RARA: variants seen among roughly 807,000 people sequenced by gnomAD.
RARA encodes the protein PML-DDX5-RARA fusion.
A neutral mutation model predicts 42.8 loss-of-function variants in RARA; 5 were observed. The ratio of observed to expected loss-of-function variants is 0.12; its 90% CI spans 0.06 to 0.25. The LOEUF (loss-of-function observed/expected upper bound fraction) is 0.25. RARA is among the 10% of genes least tolerant of loss of function. The probability of loss-of-function intolerance (pLI) is 1.00; values close to 1 mark genes in which losing one functional copy is unlikely to be tolerated. For synonymous variants in RARA, 256 were observed against 259.5 expected (o/e 0.99, Z 0.13); for missense variants, 402 against 628.7 (o/e 0.64, Z 3.86).
chr17:40,315,203 T>C (rs977399921), intron 1 of RARA, among the ~76,000 whole-genome samples: 39 of 139,234 alleles, frequency 2.8e-4, no homozygotes, highest in African/African-American at 1.2e-3. Flanking sequence ...CACGTATATA[T>C]TTATTTATTT....
intron 1 of RARA, among the ~76,000 whole-genome samples, chr17:40,312,308 G>C (rs528790716): frequency 3.3e-5 from 5 of 152,214 alleles, no homozygotes; most frequent in Non-Finnish European, 7.4e-5. Context: ...TTATGGGCAG[G>C]CCTCCCCCTA....
In RARA at chr17:40,355,082, C is replaced by T. The variant is rs34205524; in HGVS notation, c.1013-181C>T. On this transcript the variant is annotated intron_variant, in intron 7 of 8. Transcript: ENST00000254066. This position sits in a 1 kb window ranked among gnomAD's most constrained non-coding sequence, Gnocchi z 4.1. ...GGGGCACCCCCTCACCCTCAGCTCC[C>T]GTTGCTCCCTTTTAAGGGCCTCTGT... Among the ~76,000 whole-genome samples, 137 of 152,298 alleles carry T rather than the reference C, an allele frequency of 9.0e-4. 1 individual carries two copies. Among genetic ancestry groups the T allele is most frequent in the African/African-American group, 2.0e-3 (82 of 41,560 alleles).
chr17:40,348,244 A>G (rs2034331136), intron 2 of RARA, 72 bp from the exon 3 acceptor site: 2 of 1,462,986 alleles, frequency 1.4e-6, no homozygotes, highest in Non-Finnish European at 1.8e-6. Flanking sequence ...AGGGACGGTG[A>G]GGCAGGGTGG....
In RARA at chr17:40,349,802, A is replaced by G; in HGVS notation, c.346A>G (p.Ile116Val). ...EGCKGFFRRS[I>V]QKNMVYTCHR... ...TACCCAGGGCTTCTTCCGCCGCAGC[A>G]TCCAGAAGAACATGGTGTACACGTG... The change falls in exon 4 of 9, where the codon ATC (isoleucine) becomes GTC (valine). Residue 116 changes from isoleucine to valine, a missense_variant. This residue lies in a region of RARA where 130 missense variants were observed against 267.9 expected (regional missense o/e 0.49). Transcript: ENST00000254066. 6.2e-7 allele frequency: 1 copy of G among 1,614,198 alleles called. No homozygotes were observed.
rs1479866236 is a variant in RARA, at chr17:40,356,355, G to T, written c.*129G>T. On this transcript the variant is annotated 3_prime_UTR_variant, in exon 9 of 9. Transcript: ENST00000254066. ...CCGGGCAGTACTGGGGACCTTCCCT[G>T]GGGGACGGGGAGGGAGGAGGCAGCG... 9.5e-7 allele frequency: 1 copy of T among 1,053,578 alleles called. No homozygotes were observed. The highest frequency in any genetic ancestry group is 2.6e-5 in the East Asian group (1 of 38,766). The allele number at this position is 1,053,578 out of a possible 1,614,324, so 65.3% of individuals were successfully genotyped here.
chr17:40,332,144 G>A (rs1048097318), intron 2 of RARA, among the ~76,000 whole-genome samples: 1 of 152,190 alleles, frequency 6.6e-6, no homozygotes, highest in African/African-American at 2.4e-5. Flanking sequence ...GTAGTGGGAG[G>A]TGGCGGCAGC....
At chr17:40,348,774 C>T (rs531789323) in intron 3 of RARA, 2 of 238,088 alleles carry the variant, frequency 8.4e-6, no homozygotes, top group African/African-American at 2.3e-5. Flanking sequence ...AGCTGGCTGC[C>T]GACTGGCTCT....
chr17:40,324,045 C>T (rs897284752), intron 1 of RARA, among the ~76,000 whole-genome samples: 4 of 152,010 alleles, frequency 2.6e-5, no homozygotes, highest in Non-Finnish European at 4.4e-5. Context: ...AGCTGTCCCC[C>T]CATTGTGAGA....
intron 1 of RARA, among the ~76,000 whole-genome samples, chr17:40,310,791 C>G (rs1007098137): frequency 6.6e-6 from 1 of 152,070 alleles, no homozygotes; most frequent in African/African-American, 2.4e-5. Context: ...CCACTAAAAC[C>G]ACAGAGACAA....
Position 40,343,068 on chromosome 17 carries a change from GA to G in RARA, c.179-5247del, listed in dbSNP as rs936743083. 5.5e-5 allele frequency: 58 copies of G among 1,063,406 alleles called. No homozygotes were observed. The African/African-American group carries it at 8.9e-4, about 16-fold the overall frequency. The allele number at this position is 1,063,406 out of a possible 1,614,324, so 65.9% of individuals were successfully genotyped here. A position where few individuals can be genotyped will look rare whatever the true frequency, so the allele number is the denominator to read the frequency against. ...GTAACCCTAAGTGCAATTTGTGTTAGATTAGGGCTGAGGAACTTTGAGAGTT... is the reference window on the plus strand; with the variant it reads ...GTAACCCTAAGTGCAATTTGTGTTAGTTAGGGCTGAGGAACTTTGAGAGTT... On this transcript the variant is annotated intron_variant, in intron 2 of 8. Coordinates refer to ENST00000254066, the MANE Select transcript of RARA (RefSeq NM_000964.4).
Position 40,356,962 on chromosome 17 carries a change from A to T in RARA, c.*736A>T. The stretch of plus-strand genomic sequence containing the variant: ...CCTTTTCCTCCTCAGTTTTCTCTTT[A>T]AAACTGTGAAGTACTAACTTTCCAA... On this transcript the variant is annotated 3_prime_UTR_variant, in exon 9 of 9. Transcript: ENST00000254066. 1 of 386,698 alleles carries T rather than the reference A, an allele frequency of 2.6e-6. No homozygotes were observed. The highest frequency in any genetic ancestry group is 4.8e-6 in the Non-Finnish European group (1 of 207,732). The allele number at this position is 386,698 out of a possible 1,614,324, so 24.0% of individuals were successfully genotyped here.
At position 40,352,231 on chromosome 17, in the gene RARA, G is replaced by C. The variant is rs59294758; in HGVS notation, c.631-100G>C. The C allele has an allele frequency of 4.8e-5, 72 of 1,504,564 alleles. No individual in the cohort carries two copies. In the African/African-American group the frequency reaches 8.5e-4, roughly 18 times the overall value. The allele number at this position is 1,504,564 out of a possible 1,614,324, so 93.2% of individuals were successfully genotyped here. On this transcript the variant is annotated intron_variant, in intron 5 of 8. Coordinates refer to ENST00000254066, the MANE Select transcript of RARA (RefSeq NM_000964.4). This position sits in a 1 kb window ranked among gnomAD's most constrained non-coding sequence, Gnocchi z 4.9. ...GCTGCCTCTTCCCAAGGAGCTCCCA[G>C]GAAGTGAAGGCTGGGTAGAGGGCAG...
Position 40,354,490 on chromosome 17 carries a change from C to T in RARA, c.996C>T (p.Ile332=), listed in dbSNP as rs780324094. ...DDAETGLLSA[I]CLICGDRQDL... ...CGGAGACGGGGCTGCTCAGCGCCAT[C>T]TGCCTCATCTGCGGAGGTGGGCAGG... The change falls in exon 7 of 9, where the codon ATC becomes ATT. Residue 332 remains isoleucine (I), a synonymous_variant. Transcript: ENST00000254066. This position sits in a 1 kb window ranked among gnomAD's most constrained non-coding sequence, Gnocchi z 4.5. The T allele has an allele frequency of 1.9e-6, 3 of 1,593,404 alleles. No homozygotes were observed. In the African/African-American group the frequency reaches 4.0e-5, roughly 21 times the overall value.
intron 1 of RARA, among the ~76,000 whole-genome samples, chr17:40,327,413 G>A (rs923687781): frequency 6.6e-6 from 1 of 152,214 alleles, no homozygotes; most frequent in Non-Finnish European, 1.5e-5. Flanking sequence ...ATTCACCTGA[G>A]TGTTTGTGGA....
At chr17:40,342,399 A>C in intron 2 of RARA, 1 of 1,142,586 alleles carries the variant, frequency 8.8e-7, no homozygotes, top group Non-Finnish European at 1.1e-6. Flanking sequence ...ACGAGACTCT[A>C]GACGGGAGTC....
At chr17:40,317,879 G>T (rs2033247631) in intron 1 of RARA, among the ~76,000 whole-genome samples, 1 of 152,094 alleles carries the variant, frequency 6.6e-6, no homozygotes, top group African/African-American at 2.4e-5. Flanking sequence ...TTACGCCGCC[G>T]CCTCACTTCT....
In RARA at chr17:40,355,772, C is replaced by T. The variant is rs1265783124; in HGVS notation, c.1172-237C>T. Among the ~76,000 whole-genome samples, 2 of 152,336 alleles carry T rather than the reference C, an allele frequency of 1.3e-5. No homozygotes were observed. Among genetic ancestry groups the T allele is most frequent in the Middle Eastern group, 3.4e-3 (1 of 294 alleles). On this transcript the variant is annotated intron_variant, in intron 8 of 8. Transcript: ENST00000254066. The surrounding 1 kb of genome is among the most constrained non-coding windows in gnomAD (Gnocchi z 4.1). The stretch of plus-strand genomic sequence containing the variant: ...CAGCACAGGGGAAGGAAGGGCTTGG[C>T]GTCTAGCCCAGGCCGGCAGTCTGGC...
intron 2 of RARA, chr17:40,341,149 C>A: frequency 2.3e-6 from 1 of 436,880 alleles, no homozygotes; most frequent in Non-Finnish European, 3.9e-6. Flanking sequence ...TCCAGTGAAA[C>A]GTGCATCCCG....
intron 2 of RARA, chr17:40,342,152 G>C (rs535904098): frequency 0.022 from 22,883 of 1,046,400 alleles, 270 homozygotes; most frequent in Non-Finnish European, 0.025. Flanking sequence ...GAGCTGGGGT[G>C]GGGGGGCCGT....
Sources: gnomAD v4.1 joint callset for allele counts (sites outside exome capture counted in the v4.1 genomes callset) on GRCh38, gnomAD v4.1.1 for gene constraint, gnomAD v4.1.1 regional missense constraint, Gnocchi (gnomAD v3.1) non-coding constraint, MANE v1.5 for transcripts, NCBI Gene and HGNC (gene_info 2026-07-23, HGNC 2026-07-21) for gene names.